FAM24A: variants seen among roughly 807,000 people sequenced by gnomAD.
The protein encoded by FAM24A is protein FAM24A.
FAM24A carries 2 observed loss-of-function variants against 2.8 expected under a neutral mutation model. The observed-to-expected ratio is 0.73, with a 90% CI of 0.30 to 2.28. FAM24A has a LOEUF of 2.28. Among genes scored for constraint, FAM24A ranks in the 30% most tolerant of loss-of-function variants. The probability of loss-of-function intolerance (pLI) is 0.12; values close to 1 mark genes in which losing one functional copy is unlikely to be tolerated. For synonymous variants in FAM24A, 46 were observed against 47.5 expected (o/e 0.97, Z 0.13); for missense variants, 109 against 132.0 (o/e 0.83, Z 0.85).
Position 122,912,140 on chromosome 10 carries a change from G to T in FAM24A, c.125+381G>T, listed in dbSNP as rs143433019. Among the ~76,000 whole-genome samples the T allele has an allele frequency of 9.8e-5, 15 of 152,292 alleles. No homozygotes were observed. The East Asian group carries it at 2.7e-3, about 27-fold the overall frequency. On this transcript the variant is annotated intron_variant, in intron 2 of 2. Transcript: ENST00000368894. ...CTGGGCACCGTAGGCTGAAGACTCC[G>T]TAGGGAGACTGCATTAATGAGCCTC...
Position 122,912,853 on chromosome 10 carries a change from A to G in FAM24A, c.217A>G (p.Met73Val). 1 of 1,614,162 alleles carries G rather than the reference A, an allele frequency of 6.2e-7. No homozygotes were observed. The highest frequency in any genetic ancestry group is 1.6e-4 in the Middle Eastern group (1 of 6,062). Residue 73 changes from methionine to valine, a missense_variant, in exon 3 of 3, where the codon ATG becomes GTG. By Grantham distance (21) the Met-to-Val change is conservative (BLOSUM62 1). Coordinates refer to ENST00000368894, the MANE Select transcript of FAM24A (RefSeq NM_001029888.3). ...GAACAGCCAGGCCAAAGCCACCACC[A>G]TGGAGTCTTGTCCATCTCTCCAGTG... ...ATNSQAKATT[M>V]ESCPSLQCCE...
rs373384079 is a variant in FAM24A at position 122,911,782 on chromosome 10, A to G, written c.125+23A>G. On this transcript the variant is annotated intron_variant, in intron 2 of 2. Coordinates refer to ENST00000368894, the MANE Select transcript of FAM24A (RefSeq NM_001029888.3). ...AAAGTGAGTCATGTGGGGGAAAATG[A>G]ATTACACCTCCTCAAATGGGATACC... 3 of 1,613,604 alleles carry G rather than the reference A, an allele frequency of 1.9e-6. No individual in the cohort carries two copies. The African/African-American group carries it at 4.0e-5, about 22-fold the overall frequency.
rs777112941 is a variant in FAM24A, at chr10:122,911,752, G to C, written c.118G>C (p.Ala40Pro). Residue 40 changes from alanine (A) to proline (P), a missense_variant, in exon 2 of 3, where the codon GCA (alanine) becomes CCA (proline). By Grantham distance (27) the Ala-to-Pro change is conservative. Coordinates refer to ENST00000368894, the MANE Select transcript of FAM24A (RefSeq NM_001029888.3). ...CTGTCTTTACTTCAAAGTAGCTAAGGCACTAAAGTGAGTCATGTGGGGGAA... is the reference window on the plus strand; with the variant it reads ...CTGTCTTTACTTCAAAGTAGCTAAGCCACTAAAGTGAGTCATGTGGGGGAA... ...VFCLYFKVAK[A>P]LKAAKDPDAV... 1 of 1,614,080 alleles carries C rather than the reference G, an allele frequency of 6.2e-7. No individual in the cohort carries two copies. Among genetic ancestry groups the C allele is most frequent in the East Asian group, 2.2e-5 (1 of 44,872 alleles).
Position 122,911,717 on chromosome 10 carries a change from G to A in FAM24A, c.83G>A (p.Ser28Asn), listed in dbSNP as rs777201294. Residue 28 changes from serine (S) to asparagine (N), a missense_variant, in exon 2 of 3, where the codon AGT becomes AAT. By Grantham distance (46) the Ser-to-Asn change is conservative. Transcript: ENST00000368894. ...SLLVAAMVLLSVVFCLYFKVA... is the reference protein window; with the variant it reads ...SLLVAAMVLLNVVFCLYFKVA... The stretch of plus-strand genomic sequence containing the variant: ...CTGGTTGCCGCGATGGTGCTCCTAA[G>A]TGTTGTGTTCTGTCTTTACTTCAAA... 2.5e-6 allele frequency: 4 copies of A among 1,614,066 alleles called. 1 individual carries two copies. In the South Asian group the frequency reaches 4.4e-5, roughly 18 times the overall value.
intron 2 of FAM24A, 60 bp from the exon 3 acceptor site, chr10:122,912,702 T>C: frequency 6.6e-7 from 1 of 1,520,830 alleles, no homozygotes; most frequent in Non-Finnish European, 8.9e-7. Flanking sequence ...CCCCAACAAT[T>C]CTAACAAATG....
At position 122,911,755 on chromosome 10, in the gene FAM24A, C is replaced by T. The variant is rs775799360; in HGVS notation, c.121C>T (p.Leu41=). 1.9e-6 allele frequency: 3 copies of T among 1,613,956 alleles called. No individual in the cohort carries two copies. The highest frequency in any genetic ancestry group is 2.2e-5 in the South Asian group (2 of 91,074). The change falls in exon 2 of 3, where the codon CTA becomes TTA. Residue 41 remains leucine (L), a synonymous_variant. Transcript: ENST00000368894. ...FCLYFKVAKA[L]KAAKDPDAVA... is the part of the protein sequence containing the mutation. ...TCTTTACTTCAAAGTAGCTAAGGCA[C>T]TAAAGTGAGTCATGTGGGGGAAAAT... is the stretch of plus-strand genomic sequence containing the variant.
Position 122,912,952 on chromosome 10 carries a change from T to A in FAM24A, c.316T>A (p.Ter106ArgextTer35). The change falls in exon 3 of 3, where the codon TGA (stop) becomes AGA (arginine). Residue 106 changes from the stop codon to arginine (R), a stop_lost. Coordinates refer to ENST00000368894, the MANE Select transcript of FAM24A (RefSeq NM_001029888.3). ...PCCCDINEGL[*>R] is the part of the protein sequence containing the mutation. Reference sequence around the variant, plus strand: ...CTGTTGTGACATAAATGAGGGCCTCTGACTTGGGAAAGCTGGGCACAAAAA... The same window carrying A: ...CTGTTGTGACATAAATGAGGGCCTCAGACTTGGGAAAGCTGGGCACAAAAA... 1 of 1,591,238 alleles carries A rather than the reference T, an allele frequency of 6.3e-7. No individual in the cohort carries two copies. Among genetic ancestry groups the A allele is most frequent in the Non-Finnish European group, 8.5e-7 (1 of 1,171,490 alleles).
chr10:122,911,569 A>C, intron 1 of FAM24A, 64 bp from the exon 2 acceptor site: 1 of 1,595,132 alleles, frequency 6.3e-7, no homozygotes, highest in South Asian at 1.1e-5. Context: ...CTACTAACGG[A>C]AGGTTGTTTA....
intron 2 of FAM24A, 59 bp downstream of exon 2, chr10:122,911,818 A>G: frequency 6.2e-7 from 1 of 1,603,870 alleles, no homozygotes; most frequent in Non-Finnish European, 8.5e-7. Context: ...TGGACTCCCT[A>G]TTTGAGCAAG....
intron 2 of FAM24A, among the ~76,000 whole-genome samples, chr10:122,912,121 A>T (rs1848325405): frequency 6.6e-6 from 1 of 152,240 alleles, no homozygotes; most frequent in East Asian, 1.9e-4. Flanking sequence ...TCCCCTGGGC[A>T]CCGTAGGCTG....
At chr10:122,912,676 T>TA in intron 2 of FAM24A, 86 bp from the exon 3 acceptor site, 1 of 1,370,542 alleles carries the variant, frequency 7.3e-7, no homozygotes. Flanking sequence ...GCTTCAGCAC[T>TA]AAACTTCCCA....
In FAM24A at chr10:122,911,566, C is replaced by T. The variant is rs12246057; in HGVS notation, c.-2-67C>T. The stretch of plus-strand genomic sequence containing the variant: ...CTGGGGTTCACTCTTCCTCTACTAA[C>T]GGAAGGTTGTTTAGTGGCTGTGTGG... On this transcript the variant is annotated intron_variant, in intron 1 of 2. Transcript: ENST00000368894. 47 of 1,590,408 alleles carry T rather than the reference C, an allele frequency of 3.0e-5. No homozygotes were observed. The Admixed American group carries it at 6.8e-4, about 23-fold the overall frequency.
In FAM24A at chr10:122,913,078, G is replaced by A; in HGVS notation, c.*124G>A. The A allele has an allele frequency of 2.5e-6, 2 of 805,960 alleles. No homozygotes were observed. The highest frequency in any genetic ancestry group is 3.2e-5 in the East Asian group (1 of 31,688). The allele number at this position is 805,960 out of a possible 1,614,324, so 49.9% of individuals were successfully genotyped here. On this transcript the variant is annotated 3_prime_UTR_variant, in exon 3 of 3. Transcript: ENST00000368894. The stretch of plus-strand genomic sequence containing the variant: ...TATATAATGTACAGTGTTATTTTCT[G>A]TACTTCTGAATAAATGTGCAATATT...
In FAM24A at chr10:122,912,969, G is replaced by A. The variant is rs751328691; in HGVS notation, c.*15G>A. The A allele has an allele frequency of 2.7e-5, 42 of 1,579,008 alleles. No individual in the cohort carries two copies. In the South Asian group the frequency reaches 2.8e-4, roughly 11 times the overall value. On this transcript the variant is annotated 3_prime_UTR_variant, in exon 3 of 3. Transcript: ENST00000368894. ...AGGGCCTCTGACTTGGGAAAGCTGG[G>A]CACAAAAATCTTCATGAGCAATATT...
chr10:122,911,553 C>A (rs1160785719), intron 1 of FAM24A, 80 bp from the exon 2 acceptor site: 1 of 1,576,666 alleles, frequency 6.3e-7, no homozygotes, highest in African/African-American at 1.3e-5. Context: ...GGGGTTCACT[C>A]TTCCTCTACT....
At position 122,912,810 on chromosome 10, in the gene FAM24A, CAA is replaced by C. The variant is rs772724627; in HGVS notation, c.175_176del (p.Lys59GlyfsTer24). 6.2e-7 allele frequency: 1 copy of C among 1,614,060 alleles called. No individual in the cohort carries two copies. The highest frequency in any genetic ancestry group is 1.1e-5 in the South Asian group (1 of 91,058). On this transcript the variant is annotated frameshift_variant, in exon 3 of 3. Transcript: ENST00000368894. LOFTEE classifies it low-confidence loss of function (END_TRUNC). ...AVAVKNHNPDKVCWATNSQAK... is the reference protein window; with the variant it reads ...AVAVKNHNPDXVCWATNSQAK... ...TGGCTGTAAAAAATCACAACCCAGA[CAA>C]GGTGTGTTGGGCCACGAACAGCCAG...
rs185398087 is a variant in FAM24A at position 122,912,835 on chromosome 10, C to G, written c.199C>G (p.Gln67Glu). 486 of 1,614,148 alleles carry G rather than the reference C, an allele frequency of 3.0e-4. 3 individuals carry two copies. The highest frequency in any genetic ancestry group is 3.9e-5 in the Non-Finnish European group (46 of 1,180,018). Residue 67 changes from glutamine to glutamate, a missense_variant, in exon 3 of 3, where the codon CAG (glutamine) becomes GAG (glutamate). Physicochemically the swap from Gln to Glu is conservative, Grantham distance 29. Coordinates refer to ENST00000368894, the MANE Select transcript of FAM24A (RefSeq NM_001029888.3). ...CAAGGTGTGTTGGGCCACGAACAGC[C>G]AGGCCAAAGCCACCACCATGGAGTC... is the stretch of plus-strand genomic sequence containing the variant. ...PDKVCWATNS[Q>E]AKATTMESCP...
In FAM24A at chr10:122,912,963, AGCTGGGC is replaced by A. The variant is rs1207984134; in HGVS notation, c.*10_*16del. On this transcript the variant is annotated 3_prime_UTR_variant, in exon 3 of 3. Coordinates refer to ENST00000368894, the MANE Select transcript of FAM24A (RefSeq NM_001029888.3). Reference sequence around the variant, plus strand: ...TAAATGAGGGCCTCTGACTTGGGAAAGCTGGGCACAAAAATCTTCATGAGCAATATTT... The same window carrying A: ...TAAATGAGGGCCTCTGACTTGGGAAAACAAAAATCTTCATGAGCAATATTT... 6.3e-7 allele frequency: 1 copy of A among 1,584,298 alleles called. No homozygotes were observed. The highest frequency in any genetic ancestry group is 1.9e-5 in the Admixed American group (1 of 52,106).
At chr10:122,912,483 T>C (rs1437401644) in intron 2 of FAM24A, among the ~76,000 whole-genome samples, 1 of 151,786 alleles carries the variant, frequency 6.6e-6, no homozygotes, top group Non-Finnish European at 1.5e-5. Context: ...TGCAGCACCT[T>C]CCCATCATTC....
Sources: gnomAD v4.1 joint callset for allele counts (sites outside exome capture counted in the v4.1 genomes callset) on GRCh38, gnomAD v4.1.1 for gene constraint, MANE v1.5 for transcripts, NCBI Gene and HGNC (gene_info 2026-07-23, HGNC 2026-07-21) for gene names.